The following LUZP2 variants were observed in gnomAD, a reference collection of about 807,000 sequenced individuals.
LUZP2 encodes leucine zipper protein 2.
LUZP2 carries 52 observed loss-of-function variants against 51.6 expected under a neutral mutation model. That is an observed-to-expected ratio of 1.01 (90% CI 0.81 to 1.27). LUZP2 has a LOEUF of 1.27. Among genes scored for constraint, LUZP2 ranks in the 50% most tolerant of loss-of-function variants. The pLI is 0.00. For synonymous variants in LUZP2, 154 were observed against 137.3 expected (o/e 1.12, Z -0.85); for missense variants, 436 against 395.4 (o/e 1.10, Z -0.87).
intron 9 of LUZP2, among the ~76,000 whole-genome samples, chr11:25,012,963 A>G (rs1473098349): frequency 6.6e-6 from 1 of 152,222 alleles, no homozygotes; most frequent in Non-Finnish European, 1.5e-5. Context: ...AATATATGGA[A>G]TCAACCTAAG....
At chr11:24,652,380 G>A (rs1376701265) in intron 1 of LUZP2, among the ~76,000 whole-genome samples, 1 of 152,000 alleles carries the variant, frequency 6.6e-6, no homozygotes, top group Non-Finnish European at 1.5e-5. Context: ...TAAGAAGAAA[G>A]GTTATTCAAA....
At chr11:24,864,616 T>A (rs1851833871) in intron 5 of LUZP2, among the ~76,000 whole-genome samples, 1 of 152,202 alleles carries the variant, frequency 6.6e-6, no homozygotes, top group African/African-American at 2.4e-5. Flanking sequence ...TTTGGTCAGA[T>A]ACATTAGGTG....
intron 1 of LUZP2, among the ~76,000 whole-genome samples, chr11:24,714,524 G>A (rs999051285): frequency 4.6e-5 from 7 of 151,978 alleles, no homozygotes; most frequent in African/African-American, 1.7e-4. Flanking sequence ...CCCATAATTA[G>A]AAATAGAAAG....
chr11:24,588,661 AAAT>A (rs199980343), intron 1 of LUZP2, among the ~76,000 whole-genome samples: 2,077 of 152,000 alleles, frequency 0.014, 50 homozygotes, highest in African/African-American at 0.047. Context: ...TTATATTTTA[AAAT>A]AATAATAGTA....
chr11:24,714,808 T>C (rs982580090), intron 1 of LUZP2, among the ~76,000 whole-genome samples: 1 of 151,998 alleles, frequency 6.6e-6, no homozygotes, highest in African/African-American at 2.4e-5. Flanking sequence ...AGAGATGGAG[T>C]GCCCTTGGAG....
intron 7 of LUZP2, among the ~76,000 whole-genome samples, chr11:24,954,271 C>T (rs1855157105): frequency 6.6e-6 from 1 of 152,046 alleles, no homozygotes; most frequent in Admixed American, 6.6e-5. Context: ...TTTCTTCTAC[C>T]TCCCTATCTC....
intron 7 of LUZP2, among the ~76,000 whole-genome samples, chr11:24,959,374 T>G (rs1412594773): frequency 6.6e-6 from 1 of 152,214 alleles, no homozygotes; most frequent in East Asian, 1.9e-4. Context: ...ATATTGATAC[T>G]TCCTACCCAT....
At position 25,018,496 on chromosome 11, in the gene LUZP2, T is replaced by A. The variant is rs187330907; in HGVS notation, c.766-31542T>A. On this transcript the variant is annotated intron_variant, in intron 9 of 11. Coordinates refer to ENST00000336930, the MANE Select transcript of LUZP2 (RefSeq NM_001009909.4). Reference sequence around the variant, plus strand: ...TCTTCTCCTCCATTTATTTATTCAATCATTTATTCTCCTCCATTCATTTAT... The same window carrying A: ...TCTTCTCCTCCATTTATTTATTCAAACATTTATTCTCCTCCATTCATTTAT... Among the ~76,000 whole-genome samples, 633 of 152,242 alleles carry A rather than the reference T, an allele frequency of 4.2e-3. 4 individuals are homozygous for A. The highest frequency in any genetic ancestry group is 0.014 in the African/African-American group (589 of 41,546).
intron 7 of LUZP2, among the ~76,000 whole-genome samples, chr11:24,964,205 A>G (rs1855513307): frequency 6.6e-6 from 1 of 152,204 alleles, no homozygotes; most frequent in Non-Finnish European, 1.5e-5. Flanking sequence ...CTTATCTCTT[A>G]GGATTAATGA....
At chr11:24,892,597 T>A in intron 5 of LUZP2, 1 of 324,538 alleles carries the variant, frequency 3.1e-6, no homozygotes, top group Non-Finnish European at 4.4e-6. Flanking sequence ...AGTGCTAATC[T>A]CTTGAATGAA....
At chr11:24,566,902 GTTATATATATATATA>G (rs1564995430) in intron 1 of LUZP2, among the ~76,000 whole-genome samples, 55 of 4,292 alleles carry the variant, frequency 0.013, no homozygotes, top group Non-Finnish European at 0.022. Flanking sequence ...ATTTATATAT[GTTATATATATATATA>G]TGTATATATG....
chr11:24,508,566 AGTGTTAATT>A (rs778974043), intron 1 of LUZP2, among the ~76,000 whole-genome samples: 12 of 152,074 alleles, frequency 7.9e-5, no homozygotes, highest in Non-Finnish European at 1.3e-4. Flanking sequence ...ATGTCTTCCA[AGTGTTAATT>A]GTGGGGCTTA....
intron 9 of LUZP2, among the ~76,000 whole-genome samples, chr11:24,986,537 C>CTGTGTGTGTGTG (rs61367765): frequency 3.4e-4 from 50 of 145,816 alleles, no homozygotes; most frequent in East Asian, 1.8e-3. Context: ...TAGCATGCCT[C>CTGTGTGTGTGTG]TGTGTGTGTG....
intron 5 of LUZP2, among the ~76,000 whole-genome samples, chr11:24,780,100 A>G (rs1849045448): frequency 6.6e-6 from 1 of 152,264 alleles, no homozygotes; most frequent in African/African-American, 2.4e-5. Context: ...GCATCACTCA[A>G]TCTGTGGTAA....
intron 1 of LUZP2, among the ~76,000 whole-genome samples, 187 bp from the exon 2 acceptor site, chr11:24,728,982 T>A (rs914342121): frequency 6.6e-5 from 10 of 151,932 alleles, no homozygotes; most frequent in African/African-American, 2.4e-4. Context: ...CACTGGGAAA[T>A]GAAACTTTTG....
chr11:24,745,120 T>G (rs1020616471), intron 4 of LUZP2, among the ~76,000 whole-genome samples: 4 of 152,174 alleles, frequency 2.6e-5, no homozygotes, highest in Non-Finnish European at 5.9e-5. Context: ...ACTTGTTTTA[T>G]GGCCTGTCAT....
intron 7 of LUZP2, among the ~76,000 whole-genome samples, chr11:24,931,317 G>A (rs1854445837): frequency 6.6e-6 from 1 of 151,880 alleles, no homozygotes; most frequent in Admixed American, 6.5e-5. Flanking sequence ...TAATTCAAAA[G>A]CCTTTACTTT....
intron 7 of LUZP2, among the ~76,000 whole-genome samples, chr11:24,915,818 A>G (rs1255965109): frequency 6.6e-6 from 1 of 152,014 alleles, no homozygotes; most frequent in African/African-American, 2.4e-5. Flanking sequence ...AAAAACCACA[A>G]TTACTCTTGC....
chr11:24,542,086 C>G (rs1851384880), intron 1 of LUZP2, among the ~76,000 whole-genome samples: 1 of 152,012 alleles, frequency 6.6e-6, no homozygotes, highest in African/African-American at 2.4e-5. Flanking sequence ...AAAAATGTTT[C>G]CCTAACAGTG....
Sources: gnomAD v4.1 joint callset for allele counts (sites outside exome capture counted in the v4.1 genomes callset) on GRCh38, gnomAD v4.1.1 for gene constraint, MANE v1.5 for transcripts, NCBI Gene and HGNC (gene_info 2026-07-23, HGNC 2026-07-21) for gene names.